TUBA4B: variants seen among roughly 807,000 people sequenced by gnomAD.
TUBA4B encodes the protein tubulin alpha 4b.
Under a neutral mutation model 18.4 loss-of-function variants are expected in TUBA4B, and 13 were observed. The observed-to-expected ratio is 0.71, with a 90% confidence interval of 0.46 to 1.12. TUBA4B has a LOEUF of 1.12. TUBA4B is among the 50% of genes most tolerant of loss of function. The pLI, the probability that TUBA4B is intolerant of heterozygous loss-of-function variation, is 0.00. For synonymous variants in TUBA4B, 101 were observed against 99.1 expected (o/e 1.02, Z -0.11); for missense variants, 244 against 250.0 (o/e 0.98, Z 0.16).
chr2:219,259,851 T>C (rs1213343124), intron 1 of TUBA4B, among the ~76,000 whole-genome samples: 2 of 152,178 alleles, frequency 1.3e-5, no homozygotes, highest in Non-Finnish European at 2.9e-5. Context: ...CTCACAGCAC[T>C]GCCTTTACAA....
chr2:219,260,695 C>T (rs893453867), intron 1 of TUBA4B, among the ~76,000 whole-genome samples: 6 of 152,138 alleles, frequency 3.9e-5, no homozygotes, highest in South Asian at 2.1e-4. Context: ...TAGGATTGGC[C>T]GGGCACGGTG....
intron 2 of TUBA4B, among the ~76,000 whole-genome samples, chr2:219,267,054 C>T (rs1344508432): frequency 6.6e-6 from 1 of 152,168 alleles, no homozygotes; most frequent in Non-Finnish European, 1.5e-5. Flanking sequence ...CTTTGTCTGA[C>T]CTCTCATGTC....
intron 1 of TUBA4B, among the ~76,000 whole-genome samples, chr2:219,264,847 G>A (rs1268120360): frequency 2.0e-5 from 3 of 152,242 alleles, no homozygotes; most frequent in Non-Finnish European, 4.4e-5. Context: ...GGGGGCTACT[G>A]TGGTGTGATT....
At chr2:219,255,490 C>T (rs1028380645) in intron 1 of TUBA4B, among the ~76,000 whole-genome samples, 2 of 152,180 alleles carry the variant, frequency 1.3e-5, no homozygotes, top group African/African-American at 4.8e-5. Context: ...GCTTCAGCCT[C>T]CCAAAGTGCT....
At chr2:219,259,204 C>T (rs1018489326) in intron 1 of TUBA4B, among the ~76,000 whole-genome samples, 3 of 150,378 alleles carry the variant, frequency 2.0e-5, no homozygotes, top group Admixed American at 6.6e-5. Context: ...CCTGAAATCC[C>T]AGCTACTCAG....
chr2:219,262,730 A>T (rs1241535822), intron 1 of TUBA4B, among the ~76,000 whole-genome samples: 1 of 152,070 alleles, frequency 6.6e-6, no homozygotes, highest in Non-Finnish European at 1.5e-5. Context: ...TGCCCAGGCT[A>T]GAATGTAAGC....
chr2:219,271,354 C>T lies in TUBA4B; in HGVS notation c.381C>T (p.Ile127=). 2.5e-6 allele frequency: 4 copies of T among 1,614,162 alleles called. No individual in the cohort carries two copies. The highest frequency in any genetic ancestry group is 2.5e-6 in the Non-Finnish European group (3 of 1,179,978). ...CCATGGTCCAGCCCTACAACTCTAT[C>T]CTGACCACCCACACCACCCTGGAGC... ...STAMVQPYNS[I]LTTHTTLEHS... Residue 127 remains isoleucine, a synonymous_variant, in exon 4 of 4, where the codon ATC becomes ATT. Coordinates refer to ENST00000490341, the MANE Select transcript of TUBA4B (RefSeq NM_001355221.1).
At position 219,253,356 on chromosome 2, in the gene TUBA4B, G is replaced by GGT; in HGVS notation, c.-51_-50insTG. On this transcript the variant is annotated 5_prime_UTR_variant, in exon 1 of 4. Transcript: ENST00000490341. ...CTCAGACGCGGGGTGCTGAGTCACG[G>GGT]GGGGGGGGTGGTTCTGTGGATAGTT... 2 of 1,462,318 alleles carry GGT rather than the reference G, an allele frequency of 1.4e-6. No homozygotes were observed. The highest frequency in any genetic ancestry group is 2.4e-5 in the South Asian group (2 of 81,952). 90.6% of individuals were successfully genotyped at this position (1,462,318 alleles called of 1,614,324 possible). A position where few individuals can be genotyped will look rare whatever the true frequency, so the allele number is the denominator to read the frequency against.
chr2:219,255,208 C>T (rs1019645709), intron 1 of TUBA4B, among the ~76,000 whole-genome samples: 3 of 152,186 alleles, frequency 2.0e-5, no homozygotes, highest in Non-Finnish European at 4.4e-5. Flanking sequence ...AGACCACAGG[C>T]GTGCACCAAC....
chr2:219,270,756 G>A (rs895607467), intron 3 of TUBA4B, among the ~76,000 whole-genome samples: 2 of 144,628 alleles, frequency 1.4e-5, no homozygotes, highest in African/African-American at 5.7e-5. Context: ...TGAGGTTCCT[G>A]GATTGTTGTT....
intron 1 of TUBA4B, among the ~76,000 whole-genome samples, chr2:219,262,676 TA>T (rs962027694): frequency 1.3e-5 from 2 of 151,794 alleles, no homozygotes; most frequent in African/African-American, 2.4e-5. Flanking sequence ...CCCAGCTAAT[TA>T]AAAAAAAATT....
At chr2:219,266,343 C>T in intron 1 of TUBA4B, 178 bp from the exon 2 acceptor site, 1 of 578,124 alleles carries the variant, frequency 1.7e-6, no homozygotes, top group Non-Finnish European at 3.1e-6. Flanking sequence ...GCTGGCTCCC[C>T]TGTTTGGGTG....
chr2:219,255,055 T>C (rs1951706323), intron 1 of TUBA4B, among the ~76,000 whole-genome samples: 1 of 152,066 alleles, frequency 6.6e-6, no homozygotes, highest in Non-Finnish European at 1.5e-5. Context: ...TTTCTCTCTC[T>C]CTCTCTCTCT....
rs1179082595 is a variant in TUBA4B, at chr2:219,271,749, T to C, written c.*50T>C. The C allele has an allele frequency of 5.6e-6, 9 of 1,611,142 alleles. No homozygotes were observed. Among genetic ancestry groups the C allele is most frequent in the African/African-American group, 1.3e-5 (1 of 74,856 alleles). ...ACATGGCCTGCTGCCTGCTATACCA[T>C]GGAGATGTGGTGCCCAAGGATGTCA... On this transcript the variant is annotated 3_prime_UTR_variant, in exon 4 of 4. Transcript: ENST00000490341.
At chr2:219,269,268 C>T (rs1414938589) in intron 2 of TUBA4B, among the ~76,000 whole-genome samples, 1 of 152,180 alleles carries the variant, frequency 6.6e-6, no homozygotes, top group African/African-American at 2.4e-5. Flanking sequence ...TTGCTTCCCT[C>T]ACCAATGGCT....
At chr2:219,253,943 TTA>T in intron 1 of TUBA4B, 2 of 1,136,306 alleles carry the variant, frequency 1.8e-6, no homozygotes, top group Non-Finnish European at 2.3e-6. Flanking sequence ...CGCACCGCCC[TTA>T]TAGGCGGGGG....
rs1951823269 is a variant in TUBA4B, at chr2:219,271,270, CTA to C, written c.299_300del (p.Tyr100TrpfsTer50). On this transcript the variant is annotated frameshift_variant, in exon 4 of 4. Coordinates refer to ENST00000490341, the MANE Select transcript of TUBA4B (RefSeq NM_001355221.1). LOFTEE classifies it high-confidence loss of function. ...SFLMEWLSVN[Y>X]GKKSKLGFSI... is the part of the protein sequence containing the mutation. ...TCCTGATGGAGTGGCTTTCTGTTAA[CTA>C]TGGCAAGAAATCCAAGCTGGGATTC... The C allele has an allele frequency of 1.4e-6, 2 of 1,472,530 alleles. No individual in the cohort carries two copies. The highest frequency in any genetic ancestry group is 1.4e-5 in the African/African-American group (1 of 72,122). 91.2% of individuals were successfully genotyped at this position (1,472,530 alleles called of 1,614,324 possible). A position where few individuals can be genotyped will look rare whatever the true frequency, so the allele number is the denominator to read the frequency against.
intron 1 of TUBA4B, among the ~76,000 whole-genome samples, chr2:219,261,016 C>A (rs1266684856): frequency 6.6e-6 from 1 of 152,024 alleles, no homozygotes; most frequent in East Asian, 1.9e-4. Flanking sequence ...ATTTTAGGAT[C>A]ACTTTCCTCT....
At position 219,271,943 on chromosome 2, in the gene TUBA4B, T is replaced by G; in HGVS notation, c.*244T>G. On this transcript the variant is annotated 3_prime_UTR_variant, in exon 4 of 4. Transcript: ENST00000490341. ...TGCTGAGCAACATGACAGCCATCAC[T>G]ATGGCCTGGGCCCGCCTGGACCACA... The G allele has an allele frequency of 6.7e-7, 1 of 1,501,682 alleles. No homozygotes were observed. Among genetic ancestry groups the G allele is most frequent in the Non-Finnish European group, 9.3e-7 (1 of 1,078,002 alleles). 93.0% of individuals were successfully genotyped at this position (1,501,682 alleles called of 1,614,324 possible).
Sources: allele counts gnomAD v4.1 joint callset (sites outside exome capture counted in the v4.1 genomes callset), GRCh38; gene constraint gnomAD v4.1.1; transcripts MANE v1.5; gene names NCBI Gene and HGNC (gene_info 2026-07-23, HGNC 2026-07-21).